DAB1: variants seen among roughly 807,000 people sequenced by gnomAD.
The protein encoded by DAB1 is DAB adaptor protein 1, also known as disabled homolog 1.
Under a neutral mutation model 64.6 loss-of-function variants are expected in DAB1, and 15 were observed. That is an observed-to-expected ratio of 0.23 (90% CI 0.16 to 0.36). The LOEUF (loss-of-function observed/expected upper bound fraction) is 0.36, where lower values mean the gene tolerates loss of function less well. Among genes scored for constraint, DAB1 ranks in the 10% least tolerant of loss-of-function variants. DAB1 has a pLI of 1.00. For missense variants in DAB1, 596 were observed against 706.7 expected (o/e 0.84, Z 1.78); for synonymous variants, 235 against 251.9 (o/e 0.93, Z 0.64).
At chr1:57,155,884 C>T (rs1660173219) in intron 2 of DAB1, among the ~76,000 whole-genome samples, 1 of 151,690 alleles carries the variant, frequency 6.6e-6, no homozygotes, top group African/African-American at 2.4e-5. Context: ...TATCCTGCAA[C>T]TTTACTGGTT....
chr1:57,752,529 A>G (rs1425660376), intron 6 of DAB1, among the ~76,000 whole-genome samples: 1 of 152,214 alleles, frequency 6.6e-6, no homozygotes, highest in African/African-American at 2.4e-5. Context: ...AAAACAAAAT[A>G]AGCTTTCTAT....
At chr1:57,728,407 C>A (rs1647271916) in intron 6 of DAB1, among the ~76,000 whole-genome samples, 2 of 152,164 alleles carry the variant, frequency 1.3e-5, no homozygotes, top group South Asian at 4.1e-4. Context: ...TCCTGGCTAA[C>A]ACGGTGAAAC....
At chr1:57,085,388 T>G (rs532353095) in intron 4 of DAB1, among the ~76,000 whole-genome samples, 1 of 152,316 alleles carries the variant, frequency 6.6e-6, no homozygotes, top group East Asian at 1.9e-4. Context: ...GTGAAGAAGC[T>G]AGGCTGTCTG....
intron 5 of DAB1, chr1:58,074,540 A>ATC: frequency 1.0e-5 from 1 of 95,518 alleles, no homozygotes; most frequent in Non-Finnish European, 2.0e-5. Context: ...ATATATATAT[A>ATC]TATACACACA....
intron 4 of DAB1, among the ~76,000 whole-genome samples, chr1:58,231,462 GGTTCCAC>G (rs1456308391): frequency 6.6e-6 from 1 of 152,188 alleles, no homozygotes; most frequent in Non-Finnish European, 1.5e-5. Flanking sequence ...CAGGACAGCT[GGTTCCAC>G]TCTGCCACAT....
intron 1 of DAB1, among the ~76,000 whole-genome samples, chr1:57,388,046 G>A (rs1400628442): frequency 6.6e-6 from 1 of 152,090 alleles, no homozygotes; most frequent in African/African-American, 2.4e-5. Flanking sequence ...AGGCACTTTG[G>A]TGAACTGCTG....
At chr1:57,817,983 T>A (rs1010534208) in intron 6 of DAB1, among the ~76,000 whole-genome samples, 4 of 152,206 alleles carry the variant, frequency 2.6e-5, no homozygotes, top group South Asian at 4.1e-4. Flanking sequence ...ATTAATTTTT[T>A]AAAAAATACT....
At chr1:57,662,169 G>A (rs886230494) in intron 6 of DAB1, among the ~76,000 whole-genome samples, 1 of 151,780 alleles carries the variant, frequency 6.6e-6, no homozygotes, top group Non-Finnish European at 1.5e-5. Context: ...TCTGTCTAGA[G>A]AATGTTGTTC....
At chr1:58,344,546 C>T (rs1227919790) in intron 3 of DAB1, among the ~76,000 whole-genome samples, 1 of 152,134 alleles carries the variant, frequency 6.6e-6, no homozygotes, top group Non-Finnish European at 1.5e-5. Flanking sequence ...CACCCTCCAC[C>T]CCCTGCCTCA....
At chr1:58,396,186 C>T (rs1428741175) in intron 3 of DAB1, among the ~76,000 whole-genome samples, 1 of 151,976 alleles carries the variant, frequency 6.6e-6, no homozygotes, top group African/African-American at 2.4e-5. Flanking sequence ...TGGGCTCACA[C>T]TTCAAGTCCG....
At chr1:57,347,866 C>T (rs1042773685) in intron 1 of DAB1, among the ~76,000 whole-genome samples, 7 of 152,036 alleles carry the variant, frequency 4.6e-5, no homozygotes, top group African/African-American at 1.7e-4. Flanking sequence ...GCACAGTAGG[C>T]AAGAGATGTC....
At chr1:58,460,988 G>A (rs1645238149) in intron 3 of DAB1, among the ~76,000 whole-genome samples, 1 of 152,178 alleles carries the variant, frequency 6.6e-6, no homozygotes, top group Non-Finnish European at 1.5e-5. Context: ...GCCCAGTCAA[G>A]TAGAGTTACA....
At chr1:57,218,150 A>G (rs548276139) in intron 2 of DAB1, among the ~76,000 whole-genome samples, 3 of 152,306 alleles carry the variant, frequency 2.0e-5, no homozygotes, top group African/African-American at 7.2e-5. Context: ...GTATCTACCA[A>G]CCGGACGAGG....
chr1:57,023,568 A>G lies in DAB1; in HGVS notation c.858T>C (p.Phe286=), dbSNP rs745485082. The G allele has an allele frequency of 6.2e-7, 1 of 1,611,476 alleles. No individual in the cohort carries two copies. Among genetic ancestry groups the G allele is most frequent in the South Asian group, 1.1e-5 (1 of 89,952 alleles). Residue 286 remains phenylalanine, a synonymous_variant, in exon 11 of 15, where the codon TTT becomes TTC. Coordinates refer to ENST00000371236, the MANE Select transcript of DAB1 (RefSeq NM_001365792.1). ...CAGCAGTGCCGAAAGGTACAGAACTAAACACATCTGCACTCGCTGGAAGGG... is the reference window on the plus strand; with the variant it reads ...CAGCAGTGCCGAAAGGTACAGAACTGAACACATCTGCACTCGCTGGAAGGG... ...SQTLPASADV[F]SSVPFGTAAV... is the part of the protein sequence containing the mutation.
At chr1:58,127,441 T>C (rs2100686483) in intron 5 of DAB1, among the ~76,000 whole-genome samples, 1 of 150,938 alleles carries the variant, frequency 6.6e-6, no homozygotes, top group African/African-American at 2.4e-5. Context: ...TTTCTTTTGC[T>C]GTGCAGAAGC....
intron 7 of DAB1, among the ~76,000 whole-genome samples, chr1:57,630,789 A>C (rs1645980078): frequency 6.6e-6 from 1 of 152,176 alleles, no homozygotes; most frequent in Non-Finnish European, 1.5e-5. Context: ...TGCTATTTTC[A>C]TTATTTTTAA....
chr1:58,448,324 T>C (rs1169912441), intron 3 of DAB1, among the ~76,000 whole-genome samples: 3 of 152,174 alleles, frequency 2.0e-5, no homozygotes, highest in Non-Finnish European at 4.4e-5. Context: ...ACATAGGGTT[T>C]TGTTAGGTAG....
intron 5 of DAB1, among the ~76,000 whole-genome samples, chr1:58,141,418 C>T (rs549674097): frequency 2.0e-5 from 3 of 152,266 alleles, no homozygotes; most frequent in Admixed American, 6.5e-5. Context: ...CCCCATGATT[C>T]AATTACCTCC....
chr1:57,220,882 C>T (rs972398594), intron 2 of DAB1, among the ~76,000 whole-genome samples: 2 of 152,172 alleles, frequency 1.3e-5, no homozygotes, highest in African/African-American at 4.8e-5. Context: ...TTTGACCCAG[C>T]CATCCCATTA....
Sources: allele counts gnomAD v4.1 joint callset (sites outside exome capture counted in the v4.1 genomes callset), GRCh38; gene constraint gnomAD v4.1.1; transcripts MANE v1.5; gene names NCBI Gene and HGNC (gene_info 2026-07-23, HGNC 2026-07-21).